DAG1: variants seen among roughly 807,000 people sequenced by gnomAD.
DAG1 encodes dystroglycan 1.
Under a neutral mutation model 46.1 loss-of-function variants are expected in DAG1, and 8 were observed. That is an observed-to-expected ratio of 0.17 (90% CI 0.10 to 0.31). The LOEUF (loss-of-function observed/expected upper bound fraction) is 0.31. Among genes scored for constraint, DAG1 ranks in the 10% least tolerant of loss-of-function variants. The pLI is 1.00. For missense variants in DAG1, 1,003 were observed against 1,189.9 expected (o/e 0.84, Z 2.31); for synonymous variants, 495 against 481.8 (o/e 1.03, Z -0.36).
At chr3:49,471,366 CAA>C (rs1202113857) in intron 1 of DAG1, among the ~76,000 whole-genome samples, 3 of 152,152 alleles carry the variant, frequency 2.0e-5, no homozygotes, top group African/African-American at 7.2e-5. Flanking sequence ...AGGTGTTTTG[CAA>C]AGTCTGGTGT....
rs1262226789 is a variant in DAG1 at position 49,504,091 on chromosome 3, T to G, written c.-116-6328T>G. Among the ~76,000 whole-genome samples, 3 of 152,146 alleles carry G rather than the reference T, an allele frequency of 2.0e-5. No homozygotes were observed. The East Asian group carries it at 5.8e-4, about 29-fold the overall frequency. Reference sequence around the variant, plus strand: ...ATAGTCAAGGTACAGAACATTTCCATTGCCACAGGATATTTTATGTTGTCC... The same window carrying G: ...ATAGTCAAGGTACAGAACATTTCCAGTGCCACAGGATATTTTATGTTGTCC... On this transcript the variant is annotated intron_variant, in intron 1 of 2. Coordinates refer to ENST00000308775, the MANE Select transcript of DAG1 (RefSeq NM_004393.6).
chr3:49,530,221 C>T (rs554974411), intron 2 of DAG1, among the ~76,000 whole-genome samples: 3 of 152,294 alleles, frequency 2.0e-5, no homozygotes, highest in South Asian at 4.1e-4. Flanking sequence ...TGCCCCACTA[C>T]ACTTGAATGT....
At chr3:49,473,446 A>C (rs998330459) in intron 1 of DAG1, among the ~76,000 whole-genome samples, 5 of 152,254 alleles carry the variant, frequency 3.3e-5, no homozygotes, top group Middle Eastern at 3.4e-3. Flanking sequence ...ACACAAAAAA[A>C]ACACAAAACT....
intron 1 of DAG1, among the ~76,000 whole-genome samples, chr3:49,494,823 C>T (rs1157010695): frequency 6.6e-6 from 1 of 151,742 alleles, no homozygotes; most frequent in Non-Finnish European, 1.5e-5. Flanking sequence ...TTAGTAGAGA[C>T]GGGGTTTCAC....
intron 1 of DAG1, 105 bp from the exon 2 acceptor site, chr3:49,510,314 G>A (rs916423405): frequency 1.6e-6 from 1 of 606,686 alleles, no homozygotes; most frequent in African/African-American, 1.9e-5. Flanking sequence ...TAAGAGGCTT[G>A]ATCCAACTCG....
intron 1 of DAG1, among the ~76,000 whole-genome samples, chr3:49,493,920 GAAT>G (rs1430456294): frequency 3.3e-5 from 5 of 152,234 alleles, no homozygotes; most frequent in Non-Finnish European, 7.3e-5. Context: ...GAGAATGGAA[GAAT>G]GTCTTTTGGC....
chr3:49,514,148 C>T lies in DAG1; in HGVS notation c.285+3329C>T, dbSNP rs78538763. Reference sequence around the variant, plus strand: ...AAACAGATGAAGATGTGTGACTCTTCGTTCCAGTCTTAACCACCGGGATTA... The same window carrying T: ...AAACAGATGAAGATGTGTGACTCTTTGTTCCAGTCTTAACCACCGGGATTA... On this transcript the variant is annotated intron_variant, in intron 2 of 2. Coordinates refer to ENST00000308775, the MANE Select transcript of DAG1 (RefSeq NM_004393.6). Among the ~76,000 whole-genome samples, 429 of 152,230 alleles carry T rather than the reference C, an allele frequency of 2.8e-3. 3 individuals are homozygous for T. Among genetic ancestry groups the T allele is most frequent in the African/African-American group, 9.6e-3 (398 of 41,536 alleles).
chr3:49,477,491 C>T (rs1303987705), intron 1 of DAG1, among the ~76,000 whole-genome samples: 2 of 152,130 alleles, frequency 1.3e-5, no homozygotes, highest in Non-Finnish European at 2.9e-5. Context: ...TGGGAACTCA[C>T]TATGTTGTCT....
intron 1 of DAG1, among the ~76,000 whole-genome samples, chr3:49,499,101 G>C (rs992973121): frequency 1.3e-5 from 2 of 152,200 alleles, no homozygotes; most frequent in Non-Finnish European, 2.9e-5. Flanking sequence ...GGGAGTAGGG[G>C]CTCCTAGGAG....
chr3:49,488,220 C>G (rs1336450406), intron 1 of DAG1, among the ~76,000 whole-genome samples: 1 of 152,146 alleles, frequency 6.6e-6, no homozygotes, highest in Non-Finnish European at 1.5e-5. Flanking sequence ...ACTGCTGTCT[C>G]ATGTTGTTTC....
intron 2 of DAG1, among the ~76,000 whole-genome samples, chr3:49,522,511 G>T (rs1178177201): frequency 8.3e-6 from 1 of 120,578 alleles, no homozygotes; most frequent in Non-Finnish European, 1.6e-5. Flanking sequence ...ATGGTATGTT[G>T]CCCAGGCTGG....
At chr3:49,495,737 C>G (rs1325807543) in intron 1 of DAG1, among the ~76,000 whole-genome samples, 1 of 151,938 alleles carries the variant, frequency 6.6e-6, no homozygotes, top group Non-Finnish European at 1.5e-5. Flanking sequence ...CTGGCCAATA[C>G]GGTGAAACCC....
intron 1 of DAG1, among the ~76,000 whole-genome samples, chr3:49,471,803 T>C (rs183788226): frequency 2.6e-4 from 39 of 152,288 alleles, no homozygotes; most frequent in African/African-American, 8.4e-4. Flanking sequence ...TAGGGACCCA[T>C]GTAAAAGAGT....
At chr3:49,524,425 CA>C (rs1265341326) in intron 2 of DAG1, among the ~76,000 whole-genome samples, 1 of 152,208 alleles carries the variant, frequency 6.6e-6, no homozygotes, top group East Asian at 1.9e-4. Context: ...CCTGTAATCC[CA>C]ACACTTTGGC....
chr3:49,484,195 G>T (rs977328697), intron 1 of DAG1, among the ~76,000 whole-genome samples: 1 of 152,148 alleles, frequency 6.6e-6, no homozygotes, highest in Non-Finnish European at 1.5e-5. Flanking sequence ...TTGTCAGAAG[G>T]GTCAACAGTA....
intron 2 of DAG1, among the ~76,000 whole-genome samples, chr3:49,528,302 T>TTG (rs1553651864): frequency 7.3e-5 from 7 of 95,702 alleles, no homozygotes; most frequent in African/African-American, 2.3e-4. Flanking sequence ...TTTTTTTTTT[T>TTG]GGGACAGAGT....
chr3:49,472,262 A>T (rs1375951029), intron 1 of DAG1, among the ~76,000 whole-genome samples: 1 of 152,150 alleles, frequency 6.6e-6, no homozygotes, highest in Non-Finnish European at 1.5e-5. Context: ...GAGCCATCAG[A>T]AAAGAGAGAC....
intron 1 of DAG1, among the ~76,000 whole-genome samples, chr3:49,507,512 G>A (rs1273489096): frequency 6.6e-6 from 1 of 152,010 alleles, no homozygotes; most frequent in African/African-American, 2.4e-5. Context: ...ACAGTGAGCC[G>A]AGATTGTGCA....
At chr3:49,471,867 C>G (rs1053311405) in intron 1 of DAG1, among the ~76,000 whole-genome samples, 6 of 152,158 alleles carry the variant, frequency 3.9e-5, no homozygotes, top group Non-Finnish European at 8.8e-5. Context: ...CCAGGGAACC[C>G]ATGATTAATA....
Sources: gnomAD v4.1 joint callset for allele counts (sites outside exome capture counted in the v4.1 genomes callset) on GRCh38, gnomAD v4.1.1 for gene constraint, MANE v1.5 for transcripts, NCBI Gene and HGNC (gene_info 2026-07-23, HGNC 2026-07-21) for gene names.